COIL: variants seen among roughly 807,000 people sequenced by gnomAD.
The protein encoded by COIL is coilin p80.
In COIL, 28 loss-of-function variants were observed where a neutral mutation model predicts 51.6. The observed-to-expected ratio is 0.54, with a 90% confidence interval of 0.40 to 0.74. COIL has a LOEUF of 0.74. Among genes scored for constraint, COIL ranks in the 30% least tolerant of loss-of-function variants. The pLI is 0.00. For synonymous variants in COIL, 233 were observed against 255.8 expected (o/e 0.91, Z 0.85); for missense variants, 667 against 685.9 (o/e 0.97, Z 0.31).
At chr17:56,951,467 G>A (rs1408612440) in intron 1 of COIL, 1 of 153,430 alleles carries the variant, frequency 6.5e-6, no homozygotes, top group Non-Finnish European at 1.4e-5. Flanking sequence ...TCAGAATGTG[G>A]GCTTCTTTCT....
intron 6 of COIL, among the ~76,000 whole-genome samples, chr17:56,940,491 C>T (rs867726860): frequency 3.3e-5 from 5 of 152,042 alleles, no homozygotes; most frequent in African/African-American, 1.2e-4. Flanking sequence ...TTTTCCAATG[C>T]GGTTTCCAAT....
At chr17:56,960,698 G>T in intron 1 of COIL, 77 bp downstream of exon 1, 2 of 917,854 alleles carry the variant, frequency 2.2e-6, no homozygotes, top group Non-Finnish European at 2.9e-6. Context: ...CAGGTCTAGC[G>T]GCTTCAGGCC....
At chr17:56,959,696 C>T (rs1324045233) in intron 1 of COIL, among the ~76,000 whole-genome samples, 5 of 152,212 alleles carry the variant, frequency 3.3e-5, no homozygotes, top group Non-Finnish European at 7.3e-5. Context: ...CACAACGATT[C>T]CCCTTTGTCA....
Position 56,950,707 on chromosome 17 carries a change from C to G in COIL, c.535G>C (p.Glu179Gln). 6.2e-7 allele frequency: 1 copy of G among 1,611,950 alleles called. No individual in the cohort carries two copies. Among genetic ancestry groups the G allele is most frequent in the Non-Finnish European group, 8.5e-7 (1 of 1,179,650 alleles). Reference protein sequence around the residue: ...TCGTVGDDNEEAKRKSPKKKE... With the variant: ...TCGTVGDDNEQAKRKSPKKKE... ...TTCTTTGGTGATTTTCTTTTGGCCT[C>G]TTCGTTATCATCACCCACTGTGCCA... Residue 179 changes from glutamate (E) to glutamine (Q), a missense_variant, in exon 2 of 7, where the codon GAG becomes CAG. Physicochemically the swap from Glu to Gln is conservative, Grantham distance 29. Coordinates refer to ENST00000240316, the MANE Select transcript of COIL (RefSeq NM_004645.3).
intron 5 of COIL, among the ~76,000 whole-genome samples, chr17:56,944,331 G>A (rs1179289580): frequency 6.6e-6 from 1 of 152,128 alleles, no homozygotes; most frequent in East Asian, 1.9e-4. Flanking sequence ...GGTGGCTCAT[G>A]CCTGTAATCC....
chr17:56,951,221 T>C (rs1187281452), intron 1 of COIL, among the ~76,000 whole-genome samples: 2 of 152,224 alleles, frequency 1.3e-5, no homozygotes, highest in Non-Finnish European at 2.9e-5. Flanking sequence ...AGCTACTGCA[T>C]CCTAAACATT....
Position 56,949,681 on chromosome 17 carries a change from C to G in COIL, c.1440G>C (p.Lys480Asn), listed in dbSNP as rs1567852609. 7 of 1,612,752 alleles carry G rather than the reference C, an allele frequency of 4.3e-6. No homozygotes were observed. The highest frequency in any genetic ancestry group is 5.1e-6 in the Non-Finnish European group (6 of 1,178,750). Reference sequence around the variant, plus strand: ...CTGTGACTGTTCTTTTGAAATATACCTTAAATGCAATCTTTTCTCCAACTT... The same window carrying G: ...CTGTGACTGTTCTTTTGAAATATACGTTAAATGCAATCTTTTCTCCAACTT... ...APQVGEKIAF[K>N]LLELTSSYSP... The change falls in exon 3 of 7, where the codon AAG becomes AAC. Residue 480 changes from lysine to asparagine, a missense_variant and splice_region_variant. Lys to Asn is a moderately conservative substitution (Grantham distance 94). Coordinates refer to ENST00000240316, the MANE Select transcript of COIL (RefSeq NM_004645.3).
Position 56,948,842 on chromosome 17 carries a change from T to C in COIL, c.1488+545A>G, listed in dbSNP as rs565670512. On this transcript the variant is annotated intron_variant, in intron 4 of 6. Transcript: ENST00000240316. ...AACAACCAGAAGTAATTCACAAATATGTAAAATAGATTCCCATGATGAAAA... is the reference window on the plus strand; with the variant it reads ...AACAACCAGAAGTAATTCACAAATACGTAAAATAGATTCCCATGATGAAAA... Among the ~76,000 whole-genome samples the C allele has an allele frequency of 1.9e-4, 28 of 150,934 alleles. No homozygotes were observed. The South Asian group carries it at 4.2e-3, about 23-fold the overall frequency.
In COIL at chr17:56,949,932, T is replaced by C. The variant is rs1387621937; in HGVS notation, c.1310A>G (p.Gln437Arg). The change falls in exon 2 of 7, where the codon CAG becomes CGG. Residue 437 changes from glutamine (Q) to arginine (R), a missense_variant. By Grantham distance (43) the Gln-to-Arg change is conservative. Transcript: ENST00000240316. ...VNRSTDNQRQ[Q>R]QLNDVVKNSS... ...ATTTTTTACCACGTCATTTAATTGC[T>C]GTTGCCTCTGGTTGTCAGTGCTTCT... 13 of 1,614,030 alleles carry C rather than the reference T, an allele frequency of 8.1e-6. No individual in the cohort carries two copies. The Admixed American group carries it at 1.0e-4, about 12-fold the overall frequency.
chr17:56,959,108 G>T (rs1910533901), intron 1 of COIL, among the ~76,000 whole-genome samples: 1 of 152,026 alleles, frequency 6.6e-6, no homozygotes, highest in Admixed American at 6.6e-5. Flanking sequence ...GCTTTGGGGG[G>T]CTGAGGTGAG....
intron 1 of COIL, among the ~76,000 whole-genome samples, chr17:56,952,800 T>C (rs1446993080): frequency 6.6e-6 from 1 of 151,070 alleles, no homozygotes; most frequent in Non-Finnish European, 1.5e-5. Flanking sequence ...TTTGTGTGTG[T>C]GTGTGTGTGT....
At chr17:56,956,103 A>G (rs1411974941) in intron 1 of COIL, among the ~76,000 whole-genome samples, 1 of 152,148 alleles carries the variant, frequency 6.6e-6, no homozygotes, top group Non-Finnish European at 1.5e-5. Context: ...TATACCCCAT[A>G]CCCCAAACTT....
intron 1 of COIL, among the ~76,000 whole-genome samples, chr17:56,953,327 C>T (rs565345519): frequency 2.1e-5 from 3 of 144,108 alleles, no homozygotes; most frequent in Non-Finnish European, 3.0e-5. Flanking sequence ...AGGAGAATGG[C>T]GTGAACCTGG....
chr17:56,944,039 T>G (rs915607503), intron 5 of COIL, among the ~76,000 whole-genome samples: 11 of 143,394 alleles, frequency 7.7e-5, no homozygotes, highest in African/African-American at 2.0e-4. Flanking sequence ...CTATGTTTTG[T>G]TTTTTTTTTT....
rs764140586 is a variant in COIL at position 56,950,934 on chromosome 17, T to C, written c.308A>G (p.Asn103Ser). The change falls in exon 2 of 7, where the codon AAT (asparagine) becomes AGT (serine). Residue 103 changes from asparagine (N) to serine (S), a missense_variant. Coordinates refer to ENST00000240316, the MANE Select transcript of COIL (RefSeq NM_004645.3). ...CTTCTTTGCTTTTCTAAGAGATAAA[T>C]TAATGTCACCATTACTGATGACTAC... ...NSVVISNGDI[N>S]LSLRKAKKRA... is the part of the protein sequence containing the mutation. The C allele has an allele frequency of 6.8e-6, 11 of 1,613,136 alleles. No homozygotes were observed. In the South Asian group the frequency reaches 9.9e-5, roughly 14 times the overall value.
chr17:56,948,113 AG>A (rs572722696), intron 4 of COIL, among the ~76,000 whole-genome samples: 107 of 150,110 alleles, frequency 7.1e-4, no homozygotes, highest in African/African-American at 2.3e-3. Context: ...TGATTCTTCC[AG>A]CCTGCTTTTG....
chr17:56,955,823 A>C (rs778169551), intron 1 of COIL, among the ~76,000 whole-genome samples: 1 of 152,218 alleles, frequency 6.6e-6, no homozygotes, highest in Non-Finnish European at 1.5e-5. Context: ...AGTACTTATC[A>C]ATTTTTATAT....
chr17:56,948,987 A>C (rs1022327798), intron 4 of COIL, among the ~76,000 whole-genome samples: 1 of 152,130 alleles, frequency 6.6e-6, no homozygotes, highest in Non-Finnish European at 1.5e-5. Flanking sequence ...TAAAAAAATT[A>C]AACTGGCTGG....
intron 4 of COIL, among the ~76,000 whole-genome samples, chr17:56,948,568 A>T (rs1215803790): frequency 6.6e-6 from 1 of 151,862 alleles, no homozygotes; most frequent in African/African-American, 2.4e-5. Context: ...ATGGTCTTAC[A>T]TTCCATATAG....
Sources: allele counts gnomAD v4.1 joint callset (sites outside exome capture counted in the v4.1 genomes callset), GRCh38; gene constraint gnomAD v4.1.1; transcripts MANE v1.5; gene names NCBI Gene and HGNC (gene_info 2026-07-23, HGNC 2026-07-21).